The following HMBOX1 variants were observed in gnomAD, a reference collection of about 807,000 sequenced individuals.
The protein encoded by HMBOX1 is homeobox-containing protein 1.
In HMBOX1, 14 loss-of-function variants were observed where a neutral mutation model predicts 54.5. That is an observed-to-expected ratio of 0.26 (90% CI 0.17 to 0.40). HMBOX1 has a LOEUF of 0.40. HMBOX1 is among the 10% of genes least tolerant of loss of function. The pLI is 1.00. For synonymous variants in HMBOX1, 160 were observed against 181.0 expected, an observed-to-expected ratio of 0.88 and a Z score of 0.93; for missense variants, 332 against 514.4, an observed-to-expected ratio of 0.65 and a Z score of 3.43.
intron 6 of HMBOX1, among the ~76,000 whole-genome samples, chr8:29,033,872 CAT>C (rs1803414002): frequency 6.6e-6 from 1 of 152,158 alleles, no homozygotes; most frequent in Non-Finnish European, 1.5e-5. Context: ...TTCTAGGCAT[CAT>C]ATTATAAACA....
chr8:28,970,342 C>A lies in HMBOX1; in HGVS notation c.323C>A (p.Ser108Tyr). 6 of 1,614,152 alleles carry A rather than the reference C, an allele frequency of 3.7e-6. No homozygotes were observed. Among genetic ancestry groups the A allele is most frequent in the Non-Finnish European group, 5.1e-6 (6 of 1,180,010 alleles). Reference sequence around the variant, plus strand: ...TCACCTAGCAACAGTTATGATACTTCCCCACAGCCTTGCACTACCAATCAA... The same window carrying A: ...TCACCTAGCAACAGTTATGATACTTACCCACAGCCTTGCACTACCAATCAA... ...SPSPSNSYDT[S>Y]PQPCTTNQNG... The change falls in exon 3 of 10, where the codon TCC becomes TAC. Residue 108 changes from serine (S) to tyrosine (Y), a missense_variant. By Grantham distance (144) the Ser-to-Tyr change is moderately radical. Coordinates refer to ENST00000287701, the MANE Select transcript of HMBOX1 (RefSeq NM_001135726.3). The surrounding 1 kb of genome is among the most constrained non-coding windows in gnomAD (Gnocchi z 4.3).
rs570056089 is a variant in HMBOX1, at chr8:29,041,379, C to T, written c.852-3982C>T. Among the ~76,000 whole-genome samples the T allele has an allele frequency of 2.6e-5, 4 of 152,242 alleles. No individual in the cohort carries two copies. In the South Asian group the frequency reaches 8.3e-4, roughly 32 times the overall value. On this transcript the variant is annotated intron_variant, in intron 6 of 9. Transcript: ENST00000287701. Reference sequence around the variant, plus strand: ...GTTAGCAGTTCATTTACTGTGAGATCCATTTCTTTTGGAGGCCCCCACACT... The same window carrying T: ...GTTAGCAGTTCATTTACTGTGAGATTCATTTCTTTTGGAGGCCCCCACACT...
intron 1 of HMBOX1, among the ~76,000 whole-genome samples, chr8:28,929,138 T>C (rs554815480): frequency 1.3e-5 from 2 of 152,326 alleles, no homozygotes; most frequent in Admixed American, 6.5e-5. Flanking sequence ...TTGTCTCTTA[T>C]GCCCCAATAA....
At chr8:28,932,189 G>C (rs1320656590) in intron 1 of HMBOX1, among the ~76,000 whole-genome samples, 2 of 152,162 alleles carry the variant, frequency 1.3e-5, no homozygotes, top group African/African-American at 4.8e-5. Context: ...GGGTATTCAA[G>C]GATCAGAAAG....
intron 1 of HMBOX1, among the ~76,000 whole-genome samples, chr8:28,907,642 CTG>C (rs1472759808): frequency 6.6e-6 from 1 of 152,128 alleles, no homozygotes; most frequent in Admixed American, 6.5e-5. Flanking sequence ...CTCAGCATGT[CTG>C]TGGGATCCTA....
At chr8:28,899,598 A>G (rs921137505) in intron 1 of HMBOX1, among the ~76,000 whole-genome samples, 2 of 152,244 alleles carry the variant, frequency 1.3e-5, no homozygotes, top group Non-Finnish European at 2.9e-5. Context: ...GAATTGACAT[A>G]CTGGGTCAAT....
intron 4 of HMBOX1, among the ~76,000 whole-genome samples, chr8:29,003,862 T>C (rs1833045132): frequency 6.6e-6 from 1 of 152,074 alleles, no homozygotes; most frequent in Non-Finnish European, 1.5e-5. Flanking sequence ...TTTTCAATTG[T>C]GAAATGATCT....
At chr8:29,027,581 A>G (rs1046431281) in intron 6 of HMBOX1, among the ~76,000 whole-genome samples, 19 of 152,206 alleles carry the variant, frequency 1.2e-4, no homozygotes, top group Admixed American at 3.9e-4. Flanking sequence ...AGGAAGGTAA[A>G]ATAAGCCTCC....
At chr8:29,043,141 C>T (rs768007257) in intron 6 of HMBOX1, among the ~76,000 whole-genome samples, 5 of 152,206 alleles carry the variant, frequency 3.3e-5, no homozygotes, top group Non-Finnish European at 7.3e-5. Context: ...CACAAGCTGG[C>T]CCCATCCCAC....
At chr8:29,020,841 CTG>C (rs1801038337) in intron 6 of HMBOX1, among the ~76,000 whole-genome samples, 2 of 152,072 alleles carry the variant, frequency 1.3e-5, no homozygotes, top group South Asian at 4.1e-4. Flanking sequence ...TATGCATAGA[CTG>C]TAAAACCAGC....
At chr8:28,900,359 T>G (rs996678270) in intron 1 of HMBOX1, among the ~76,000 whole-genome samples, 1 of 150,422 alleles carries the variant, frequency 6.6e-6, no homozygotes, top group Non-Finnish European at 1.5e-5. Context: ...ATATCCTTCA[T>G]AAGTATATCA....
intron 1 of HMBOX1, among the ~76,000 whole-genome samples, chr8:28,923,308 T>C (rs1235442271): frequency 6.6e-6 from 1 of 152,218 alleles, no homozygotes; most frequent in Non-Finnish European, 1.5e-5. Context: ...TTATTTTGCA[T>C]AGCCAGGGTT....
chr8:28,970,902 T>C lies in HMBOX1; in HGVS notation c.500+383T>C, dbSNP rs1036941219. Reference sequence around the variant, plus strand: ...TATCTTGATCAGAATATGTACACTCTTAATTTTTCTGTTCAACATTCCAAT... The same window carrying C: ...TATCTTGATCAGAATATGTACACTCCTAATTTTTCTGTTCAACATTCCAAT... On this transcript the variant is annotated intron_variant, in intron 3 of 9. Transcript: ENST00000287701. This position sits in a 1 kb window ranked among gnomAD's most constrained non-coding sequence, Gnocchi z 4.3. Among the ~76,000 whole-genome samples the C allele has an allele frequency of 6.6e-6, 1 of 151,724 alleles. No individual in the cohort carries two copies. Among genetic ancestry groups the C allele is most frequent in the African/African-American group, 2.4e-5 (1 of 41,268 alleles).
At chr8:28,980,782 T>C (rs1238935808) in intron 4 of HMBOX1, among the ~76,000 whole-genome samples, 1 of 152,156 alleles carries the variant, frequency 6.6e-6, no homozygotes, top group Non-Finnish European at 1.5e-5. Context: ...TGTTAATGTG[T>C]GATCTTCCTT....
In HMBOX1 at chr8:28,904,543, A is replaced by T. The variant is rs551401373; in HGVS notation, c.-58+13865A>T. Reference sequence around the variant, plus strand: ...ACTGTGCCCAGCCCATTTCTCCCAAATCTTTTACAGTAGTCTCACCTATAC... The same window carrying T: ...ACTGTGCCCAGCCCATTTCTCCCAATTCTTTTACAGTAGTCTCACCTATAC... On this transcript the variant is annotated intron_variant, in intron 1 of 9. Coordinates refer to ENST00000287701, the MANE Select transcript of HMBOX1 (RefSeq NM_001135726.3). Among the ~76,000 whole-genome samples, 5 of 151,670 alleles carry T rather than the reference A, an allele frequency of 3.3e-5. No homozygotes were observed. In the South Asian group the frequency reaches 6.2e-4, roughly 19 times the overall value.
At chr8:28,940,940 A>G (rs1821291745) in intron 1 of HMBOX1, among the ~76,000 whole-genome samples, 1 of 152,196 alleles carries the variant, frequency 6.6e-6, no homozygotes, top group Admixed American at 6.5e-5. Context: ...TGTTATTGTT[A>G]TTTATTCTAT....
At chr8:28,965,450 C>T (rs1826272042) in intron 2 of HMBOX1, among the ~76,000 whole-genome samples, 1 of 152,166 alleles carries the variant, frequency 6.6e-6, no homozygotes, top group South Asian at 2.1e-4. Context: ...AGGGAATACA[C>T]TCAATAGATG....
At chr8:28,905,312 A>G (rs1814080367) in intron 1 of HMBOX1, among the ~76,000 whole-genome samples, 1 of 152,224 alleles carries the variant, frequency 6.6e-6, no homozygotes, top group East Asian at 1.9e-4. Context: ...AAAGAAAAAC[A>G]AAACAAAAAA....
chr8:28,919,927 A>C (rs1319527453), intron 1 of HMBOX1, among the ~76,000 whole-genome samples: 1 of 152,118 alleles, frequency 6.6e-6, no homozygotes, highest in Non-Finnish European at 1.5e-5. Context: ...CCATAGTCAA[A>C]AGTGTATTTC....
Sources: gnomAD v4.1 joint callset for allele counts (sites outside exome capture counted in the v4.1 genomes callset) on GRCh38, gnomAD v4.1.1 for gene constraint, Gnocchi (gnomAD v3.1) non-coding constraint, MANE v1.5 for transcripts, NCBI Gene and HGNC (gene_info 2026-07-23, HGNC 2026-07-21) for gene names.